The following SPOCK1 variants were observed in gnomAD, a reference collection of about 807,000 sequenced individuals.
SPOCK1 encodes SPARC (osteonectin), cwcv and kazal like domains proteoglycan 1.
SPOCK1 carries 23 observed loss-of-function variants against 55.3 expected under a neutral mutation model. The observed-to-expected ratio is 0.42, with a 90% CI of 0.30 to 0.59. SPOCK1 has a LOEUF of 0.59. Among genes scored for constraint, SPOCK1 ranks in the 20% least tolerant of loss-of-function variants. The pLI is 0.22. For synonymous variants in SPOCK1, 226 were observed against 221.0 expected (o/e 1.02, Z -0.20); for missense variants, 499 against 552.5 (o/e 0.90, Z 0.97).
At chr5:137,368,104 T>C (rs1295196549) in intron 2 of SPOCK1, among the ~76,000 whole-genome samples, 1 of 152,176 alleles carries the variant, frequency 6.6e-6, no homozygotes, top group Non-Finnish European at 1.5e-5. Context: ...TAGCCCAAAT[T>C]AATCCAACCA....
intron 3 of SPOCK1, among the ~76,000 whole-genome samples, chr5:137,191,875 A>G (rs567793982): frequency 1.3e-5 from 2 of 152,308 alleles, no homozygotes; most frequent in South Asian, 4.1e-4. Context: ...CAAACTCACC[A>G]TCTGTCCTTG....
At chr5:137,421,073 G>A (rs1021200329) in intron 2 of SPOCK1, among the ~76,000 whole-genome samples, 1 of 152,216 alleles carries the variant, frequency 6.6e-6, no homozygotes, top group Non-Finnish European at 1.5e-5. Context: ...TCATTCAGGA[G>A]CAGGTTGTTC....
intron 3 of SPOCK1, among the ~76,000 whole-genome samples, chr5:137,262,137 C>T (rs1756752788): frequency 6.6e-6 from 1 of 152,170 alleles, no homozygotes; most frequent in Non-Finnish European, 1.5e-5. Context: ...TATTCATCCC[C>T]TATTCAATGA....
At chr5:137,075,866 A>G (rs1032439975) in intron 5 of SPOCK1, among the ~76,000 whole-genome samples, 1 of 152,146 alleles carries the variant, frequency 6.6e-6, no homozygotes, top group African/African-American at 2.4e-5. Flanking sequence ...CACTGTTCTC[A>G]CTTCTGGACA....
intron 6 of SPOCK1, among the ~76,000 whole-genome samples, chr5:137,061,765 C>G (rs138458568): frequency 6.6e-6 from 1 of 151,580 alleles, no homozygotes; most frequent in Admixed American, 6.6e-5. Flanking sequence ...GGTGGGAGGG[C>G]GTCTGTAGGA....
At chr5:137,481,116 A>C (rs1289074872) in intron 2 of SPOCK1, among the ~76,000 whole-genome samples, 1 of 152,086 alleles carries the variant, frequency 6.6e-6, no homozygotes, top group Non-Finnish European at 1.5e-5. Flanking sequence ...CTTCTGCATC[A>C]TTCTCCCCCT....
At chr5:137,360,451 G>C (rs568082529) in intron 2 of SPOCK1, among the ~76,000 whole-genome samples, 1 of 152,298 alleles carries the variant, frequency 6.6e-6, no homozygotes, top group African/African-American at 2.4e-5. Context: ...ACCTTCAAAA[G>C]GCAAGAGTAC....
chr5:137,350,239 G>C lies in SPOCK1; in HGVS notation c.187-83184C>G, dbSNP rs189292306. On this transcript the variant is annotated intron_variant, in intron 2 of 10. Transcript: ENST00000394945. ...GCTGAGAAGAGGAGCTGCCAATGAG[G>C]TGGAGAAAACCCAGGAGGGCAATCT... is the stretch of plus-strand genomic sequence containing the variant. 2.4e-4 allele frequency among the ~76,000 whole-genome samples: 36 copies of C among 152,264 alleles called. No individual in the cohort carries two copies. In the East Asian group the frequency reaches 4.3e-3, roughly 18 times the overall value.
At chr5:137,498,788 C>T (rs1372253059) in intron 1 of SPOCK1, among the ~76,000 whole-genome samples, 1 of 152,176 alleles carries the variant, frequency 6.6e-6, no homozygotes, top group Non-Finnish European at 1.5e-5. Context: ...GGCTGCCGTC[C>T]AACTACAGGG....
At chr5:136,991,720 C>G (rs551638233) in intron 7 of SPOCK1, among the ~76,000 whole-genome samples, 1 of 152,282 alleles carries the variant, frequency 6.6e-6, no homozygotes, top group South Asian at 2.1e-4. Flanking sequence ...TGCTCATTGG[C>G]CACAGTGTGG....
chr5:137,383,184 G>C (rs1751513985), intron 2 of SPOCK1, among the ~76,000 whole-genome samples: 1 of 152,136 alleles, frequency 6.6e-6, no homozygotes, highest in African/African-American at 2.4e-5. Context: ...ATAAAATGGA[G>C]ACAGGAAAAT....
intron 2 of SPOCK1, among the ~76,000 whole-genome samples, chr5:137,333,700 C>A (rs1410159047): frequency 1.3e-5 from 2 of 152,180 alleles, no homozygotes; most frequent in Non-Finnish European, 2.9e-5. Context: ...ATGCCCGGCA[C>A]CCAAGTTGCT....
At chr5:137,485,516 A>C (rs959182083) in intron 2 of SPOCK1, among the ~76,000 whole-genome samples, 1 of 152,236 alleles carries the variant, frequency 6.6e-6, no homozygotes, top group Non-Finnish European at 1.5e-5. Context: ...CATCTCTTTA[A>C]GTTAAACACT....
intron 6 of SPOCK1, among the ~76,000 whole-genome samples, chr5:137,013,240 G>T (rs1225899788): frequency 8.2e-6 from 1 of 122,176 alleles, no homozygotes; most frequent in Non-Finnish European, 1.9e-5. Flanking sequence ...GTTTTGTTTT[G>T]TTTTTTGGCC....
At chr5:137,320,697 A>C (rs1308294089) in intron 2 of SPOCK1, among the ~76,000 whole-genome samples, 1 of 152,244 alleles carries the variant, frequency 6.6e-6, no homozygotes, top group African/African-American at 2.4e-5. Context: ...TACACACACA[A>C]GCCTAGAAAA....
In SPOCK1 at chr5:137,234,557, C is replaced by T. The variant is rs771631286; in HGVS notation, c.232+32453G>A. ...ACAAGTCTATACGATCTTGTCCAGG[C>T]CATAAATCATATCATATCCCATTGT... On this transcript the variant is annotated intron_variant, in intron 3 of 10. Transcript: ENST00000394945. 4.2e-4 allele frequency among the ~76,000 whole-genome samples: 64 copies of T among 152,282 alleles called. 2 individuals are homozygous for T. In the Middle Eastern group the frequency reaches 0.01, roughly 24 times the overall value.
chr5:137,158,318 T>A (rs1330869041), intron 3 of SPOCK1, among the ~76,000 whole-genome samples: 1 of 152,164 alleles, frequency 6.6e-6, no homozygotes, highest in Non-Finnish European at 1.5e-5. Flanking sequence ...CTTTCACATT[T>A]CCAACCTGGG....
intron 2 of SPOCK1, among the ~76,000 whole-genome samples, chr5:137,362,710 T>C (rs895720999): frequency 1.4e-4 from 21 of 152,194 alleles, no homozygotes; most frequent in Admixed American, 1.2e-3. Flanking sequence ...TCTGCCATTG[T>C]AGTGCAAAGA....
At chr5:137,001,078 C>T (rs985519064) in intron 6 of SPOCK1, among the ~76,000 whole-genome samples, 4 of 152,136 alleles carry the variant, frequency 2.6e-5, no homozygotes, top group Non-Finnish European at 4.4e-5. Context: ...CCAGTGGTGC[C>T]ATCCTCGCTG....
Sources: allele counts gnomAD v4.1 joint callset (sites outside exome capture counted in the v4.1 genomes callset), GRCh38; gene constraint gnomAD v4.1.1; transcripts MANE v1.5; gene names NCBI Gene and HGNC (gene_info 2026-07-23, HGNC 2026-07-21).